CBLB: variants seen among roughly 807,000 people sequenced by gnomAD.
CBLB encodes the protein Cbl proto-oncogene B, also known as E3 ubiquitin-protein ligase CBL-B.
In CBLB, 31 loss-of-function variants were observed where a neutral mutation model predicts 104.9. That is an observed-to-expected ratio of 0.30 (90% CI 0.22 to 0.40). The LOEUF (loss-of-function observed/expected upper bound fraction) is 0.40. Ranked by LOEUF, CBLB falls within the 10% of genes least tolerant of loss-of-function variation. The pLI is 1.00. For missense variants in CBLB, 1,062 were observed against 1,214.6 expected (o/e 0.87, Z 1.87); for synonymous variants, 440 against 422.6 (o/e 1.04, Z -0.51).
chr3:105,849,662 T>C (rs1413466114), intron 3 of CBLB, among the ~76,000 whole-genome samples: 1 of 152,094 alleles, frequency 6.6e-6, no homozygotes, highest in Non-Finnish European at 1.5e-5. Flanking sequence ...AAAAGTGGGA[T>C]ACAAGTTTAC....
At chr3:105,715,520 A>T (rs1386367648) in intron 10 of CBLB, among the ~76,000 whole-genome samples, 3 of 152,226 alleles carry the variant, frequency 2.0e-5, no homozygotes, top group African/African-American at 7.2e-5. Context: ...GGAATATACA[A>T]TCAAAGCAGG....
chr3:105,843,918 G>T (rs1241846272), intron 3 of CBLB, among the ~76,000 whole-genome samples: 3 of 152,130 alleles, frequency 2.0e-5, no homozygotes, highest in Non-Finnish European at 4.4e-5. Flanking sequence ...ACTGAATGGT[G>T]TCCCCTAAAA....
At chr3:105,795,721 C>T (rs918947499) in intron 3 of CBLB, among the ~76,000 whole-genome samples, 8 of 152,062 alleles carry the variant, frequency 5.3e-5, no homozygotes, top group Non-Finnish European at 8.8e-5. Context: ...ATGGTGAATA[C>T]CATAACACTG....
rs778429423 is a variant in CBLB, at chr3:105,813,349, A to G, written c.420-36807T>C. 3.9e-5 allele frequency among the ~76,000 whole-genome samples: 6 copies of G among 152,180 alleles called. 1 individual carries two copies. Among genetic ancestry groups the G allele is most frequent in the Admixed American group, 2.0e-4 (3 of 15,282 alleles). ...CAGACATGGGGATAAAAGAAAATTCATTTTACAAACAATAGTTACTGAATA... is the reference window on the plus strand; with the variant it reads ...CAGACATGGGGATAAAAGAAAATTCGTTTTACAAACAATAGTTACTGAATA... On this transcript the variant is annotated intron_variant, in intron 3 of 18. Transcript: ENST00000394030.
chr3:105,705,416 T>C (rs907321610), intron 10 of CBLB, among the ~76,000 whole-genome samples: 2 of 152,200 alleles, frequency 1.3e-5, no homozygotes, highest in Non-Finnish European at 2.9e-5. Context: ...GGATACTGTA[T>C]TAGTTTTTAT....
intron 4 of CBLB, among the ~76,000 whole-genome samples, chr3:105,766,277 G>A (rs1440796102): frequency 1.3e-5 from 2 of 152,142 alleles, no homozygotes; most frequent in African/African-American, 4.8e-5. Context: ...ATTTACTCCA[G>A]GTGAAGATGC....
At position 105,684,798 on chromosome 3, in the gene CBLB, G is replaced by A. The variant is rs142411890; in HGVS notation, c.2201+522C>T. Among the ~76,000 whole-genome samples, 990 of 152,178 alleles carry A rather than the reference G, an allele frequency of 6.5e-3. 33 individuals carry two copies. Among genetic ancestry groups the A allele is most frequent in the East Asian group, 0.051 (262 of 5,166 alleles). On this transcript the variant is annotated intron_variant, in intron 14 of 18. Coordinates refer to ENST00000394030, the MANE Select transcript of CBLB (RefSeq NM_170662.5). Reference sequence around the variant, plus strand: ...AAACTCCTGACCTCATGATCTGCCCGCCTCAGCCTCCCAAAGTGCTAGGAT... The same window carrying A: ...AAACTCCTGACCTCATGATCTGCCCACCTCAGCCTCCCAAAGTGCTAGGAT...
At chr3:105,767,564 T>TTC (rs1222325386) in intron 4 of CBLB, among the ~76,000 whole-genome samples, 1 of 148,630 alleles carries the variant, frequency 6.7e-6, no homozygotes, top group African/African-American at 2.5e-5. Context: ...TTTTCTTTCT[T>TTC]TTTTTTTTTT....
chr3:105,867,489 T>G lies in CBLB; in HGVS notation c.89A>C (p.Gln30Pro). ...GRILGIIDAI[Q>P]DAVGPPKQAA... ...TTGCTTAGGGGGTCCAACTGCATCC[T>G]GAATAGCATCAATAATACCCAAAAT... Residue 30 changes from glutamine (Q) to proline (P), a missense_variant, in exon 2 of 19, where the codon CAG (glutamine) becomes CCG (proline). Physicochemically the swap from Gln to Pro is moderately conservative, Grantham distance 76. Around this residue, in one of 2 missense-constraint regions of CBLB, gnomAD observed 457 missense variants for 632.0 expected, o/e 0.72. Coordinates refer to ENST00000394030, the MANE Select transcript of CBLB (RefSeq NM_170662.5). 6.2e-7 allele frequency: 1 copy of G among 1,614,198 alleles called. No homozygotes were observed. Among genetic ancestry groups the G allele is most frequent in the Non-Finnish European group, 8.5e-7 (1 of 1,180,004 alleles).
chr3:105,706,704 C>A (rs1159131908), intron 10 of CBLB, among the ~76,000 whole-genome samples: 1 of 152,090 alleles, frequency 6.6e-6, no homozygotes, highest in Admixed American at 6.6e-5. Context: ...GAAAAAAATG[C>A]TTTGTTGATA....
intron 1 of CBLB, chr3:105,868,215 G>A (rs1706421161): frequency 8.1e-7 from 1 of 1,232,548 alleles, no homozygotes; most frequent in Non-Finnish European, 1.0e-6. Context: ...AGAACCAAAT[G>A]AAATTAACAC....
intron 18 of CBLB, among the ~76,000 whole-genome samples, chr3:105,664,606 T>C (rs1319267673): frequency 1.3e-5 from 2 of 152,180 alleles, no homozygotes; most frequent in Non-Finnish European, 2.9e-5. Context: ...GTGTATAATA[T>C]GCGCATAATT....
At chr3:105,831,483 G>C (rs1341624342) in intron 3 of CBLB, among the ~76,000 whole-genome samples, 37 of 152,202 alleles carry the variant, frequency 2.4e-4, no homozygotes, top group Admixed American at 2.4e-3. Context: ...CATCAAGATA[G>C]AACTGTCTCT....
chr3:105,838,083 CTTT>C (rs11294272), intron 3 of CBLB, among the ~76,000 whole-genome samples: 2 of 116,336 alleles, frequency 1.7e-5, no homozygotes, highest in Non-Finnish European at 3.5e-5. Flanking sequence ...TCCTTTTTTT[CTTT>C]TTTTTTTTTT....
intron 12 of CBLB, among the ~76,000 whole-genome samples, chr3:105,696,879 C>A (rs1159769505): frequency 6.6e-6 from 1 of 151,860 alleles, no homozygotes; most frequent in Admixed American, 6.6e-5. Context: ...TACATTATTA[C>A]TATACATATT....
intron 3 of CBLB, among the ~76,000 whole-genome samples, chr3:105,840,432 A>C (rs1047890701): frequency 6.6e-6 from 1 of 152,166 alleles, no homozygotes; most frequent in African/African-American, 2.4e-5. Flanking sequence ...ATACAATATT[A>C]ATTCTGGTTT....
intron 4 of CBLB, chr3:105,762,479 T>A (rs2077739906): frequency 6.6e-6 from 1 of 152,290 alleles, no homozygotes; most frequent in South Asian, 2.1e-4. Flanking sequence ...GTGCCCTGCA[T>A]CCCAGCCATG....
intron 3 of CBLB, among the ~76,000 whole-genome samples, chr3:105,801,977 GC>G (rs2082930438): frequency 6.6e-6 from 1 of 152,160 alleles, no homozygotes; most frequent in African/African-American, 2.4e-5. Context: ...TTGTTCAAAT[GC>G]GTGAATGAAA....
chr3:105,690,350 A>G (rs1349120841), intron 13 of CBLB, among the ~76,000 whole-genome samples: 1 of 152,164 alleles, frequency 6.6e-6, no homozygotes, highest in African/African-American at 2.4e-5. Flanking sequence ...TTCTAAGACC[A>G]TCCACAGCCA....
Sources: gnomAD v4.1 joint callset for allele counts (sites outside exome capture counted in the v4.1 genomes callset) on GRCh38, gnomAD v4.1.1 for gene constraint, gnomAD v4.1.1 regional missense constraint, MANE v1.5 for transcripts, NCBI Gene and HGNC (gene_info 2026-07-23, HGNC 2026-07-21) for gene names.